The following CRAMP1 variants were observed in gnomAD, a reference collection of about 807,000 sequenced individuals.
The protein encoded by CRAMP1 is protein cramped-like.
Under a neutral mutation model 115.4 loss-of-function variants are expected in CRAMP1, and 50 were observed. That is an observed-to-expected ratio of 0.43 (90% confidence interval 0.35 to 0.55). The LOEUF (loss-of-function observed/expected upper bound fraction) is 0.55. CRAMP1 is among the 20% of genes least tolerant of loss of function. The pLI is 0.01. For missense variants in CRAMP1, 1,679 were observed against 1,721.7 expected (o/e 0.98, Z 0.44); for synonymous variants, 866 against 745.4 (o/e 1.16, Z -2.64).
intron 3 of CRAMP1, among the ~76,000 whole-genome samples, chr16:1,630,976 G>A (rs2036544557): frequency 6.6e-6 from 1 of 152,218 alleles, no homozygotes; most frequent in African/African-American, 2.4e-5. Context: ...GGCAGCGTCT[G>A]CCAGGTCTCA....
At position 1,641,327 on chromosome 16, in the gene CRAMP1, A is replaced by G. The variant is rs1596488295; in HGVS notation, c.827+140A>G. The G allele has an allele frequency of 1.2e-5, 8 of 672,926 alleles. 1 individual carries two copies. The East Asian group carries it at 2.1e-4, about 18-fold the overall frequency. The allele number at this position is 672,926 out of a possible 1,614,324, so 41.7% of individuals were successfully genotyped here. On this transcript the variant is annotated intron_variant, in intron 6 of 20. Coordinates refer to ENST00000397412, the MANE Select transcript of CRAMP1 (RefSeq NM_020825.4). ...CCTCTCAGTTACGTGTTCAGTCCCA[A>G]CAAAAGGTGCTTGGTCCAGGGAGCA... is the stretch of plus-strand genomic sequence containing the variant.
At chr16:1,652,351 C>T (rs2036731378) in intron 6 of CRAMP1, 145 bp from the exon 7 acceptor site, 1 of 635,232 alleles carries the variant, frequency 1.6e-6, no homozygotes, top group African/African-American at 1.9e-5. Flanking sequence ...CTGTGTCCTC[C>T]CACTGTCCTA....
At position 1,677,794 on chromosome 16, in the gene CRAMP1, A is replaced by G. The variant is rs572082342; in HGVS notation, c.*3749A>G. 2.6e-5 allele frequency: 4 copies of G among 152,998 alleles called. No homozygotes were observed. The South Asian group carries it at 8.3e-4, about 32-fold the overall frequency. 9.5% of individuals were successfully genotyped at this position (152,998 alleles called of 1,614,324 possible). A position where few individuals can be genotyped will look rare whatever the true frequency, so the allele number is the denominator to read the frequency against. On this transcript the variant is annotated 3_prime_UTR_variant, in exon 21 of 21. Transcript: ENST00000397412. ...TATTTATTCTTTACCAATTTTGGGA[A>G]TAAAAGGTGTTTTGGTTATTTAATA...
chr16:1,614,605 G>C lies in CRAMP1; in HGVS notation c.-1-34G>C. ...CCGCTAAACTTCCCGGCCTGCGCCC[G>C]CCTCACCGGCCGCCTCCCCTCTCCC... On this transcript the variant is annotated intron_variant, in intron 1 of 20. Transcript: ENST00000397412. The surrounding 1 kb of genome is among the most constrained non-coding windows in gnomAD (Gnocchi z 4.4). 1 of 1,202,930 alleles carries C rather than the reference G, an allele frequency of 8.3e-7. No homozygotes were observed. Among genetic ancestry groups the C allele is most frequent in the Non-Finnish European group, 1.0e-6 (1 of 960,780 alleles). The allele number at this position is 1,202,930 out of a possible 1,614,324, so 74.5% of individuals were successfully genotyped here.
chr16:1,643,652 C>G (rs763911913), intron 6 of CRAMP1, among the ~76,000 whole-genome samples: 2 of 152,196 alleles, frequency 1.3e-5, no homozygotes, highest in African/African-American at 2.4e-5. Context: ...TAGCGCCCCT[C>G]CAGCCTCATC....
intron 4 of CRAMP1, among the ~76,000 whole-genome samples, chr16:1,634,890 T>C (rs2036575167): frequency 6.6e-6 from 1 of 152,100 alleles, no homozygotes; most frequent in South Asian, 2.1e-4. Flanking sequence ...TTGGCGTGCT[T>C]TGGAGTTTTG....
chr16:1,625,359 G>C (rs1035816876), intron 2 of CRAMP1, among the ~76,000 whole-genome samples: 1 of 152,124 alleles, frequency 6.6e-6, no homozygotes, highest in African/African-American at 2.4e-5. Context: ...ATGAGATTGG[G>C]AACTGATGCT....
intron 7 of CRAMP1, 46 bp downstream of exon 7, chr16:1,652,627 G>C: frequency 6.7e-7 from 1 of 1,492,506 alleles, no homozygotes; most frequent in Non-Finnish European, 9.1e-7. Flanking sequence ...TGCCCATGGT[G>C]TCCCATTCAA....
chr16:1,660,229 C>G (rs149151763), intron 11 of CRAMP1, among the ~76,000 whole-genome samples, 166 bp downstream of exon 11: 1 of 152,210 alleles, frequency 6.6e-6, no homozygotes, highest in African/African-American at 2.4e-5. Context: ...TCACTGCCTC[C>G]TCATGGGGAG....
chr16:1,676,680 TTGA>T lies in CRAMP1; in HGVS notation c.*2637_*2639del, dbSNP rs2036971241. On this transcript the variant is annotated 3_prime_UTR_variant, in exon 21 of 21. Transcript: ENST00000397412. ...TCTGACGTTGCCTGGGATCTTTCTG[TTGA>T]TTCGTCTTTTCTGGAGATTGGGACA... 1 of 152,286 alleles carries T rather than the reference TTGA, an allele frequency of 6.6e-6. No individual in the cohort carries two copies. The highest frequency in any genetic ancestry group is 2.4e-5 in the African/African-American group (1 of 41,480). 9.4% of individuals were successfully genotyped at this position (152,286 alleles called of 1,614,324 possible).
In CRAMP1 at chr16:1,662,508, G is replaced by A; in HGVS notation, c.2432G>A (p.Arg811Lys). The A allele has an allele frequency of 6.2e-7, 1 of 1,613,870 alleles. No homozygotes were observed. Among genetic ancestry groups the A allele is most frequent in the Admixed American group, 1.7e-5 (1 of 60,028 alleles). Residue 811 changes from arginine to lysine, a missense_variant, in exon 12 of 21, where the codon AGA becomes AAA. Transcript: ENST00000397412. ...PCSSGLRNPP[R>K]PLLVPGPSST... ...CTCCCAGGTTTGAGAAACCCTCCAA[G>A]ACCCCTCTTGGTGCCTGGTCCCTCC...
Position 1,614,824 on chromosome 16 carries a change from C to A in CRAMP1, c.185C>A (p.Pro62His), listed in dbSNP as rs1007968040. The A allele has an allele frequency of 1.6e-6, 2 of 1,271,112 alleles. No homozygotes were observed. The highest frequency in any genetic ancestry group is 3.5e-5 in the South Asian group (1 of 28,962). 78.7% of individuals were successfully genotyped at this position (1,271,112 alleles called of 1,614,324 possible). A position where few individuals can be genotyped will look rare whatever the true frequency, so the allele number is the denominator to read the frequency against. The change falls in exon 2 of 21, where the codon CCC (proline) becomes CAC (histidine). Residue 62 changes from proline to histidine, a missense_variant. By Grantham distance (77) the Pro-to-His change is moderately conservative. Around this residue, in one of 8 missense-constraint regions of CRAMP1, gnomAD observed 264 missense variants for 229.7 expected, o/e 1.15. Transcript: ENST00000397412. This position sits in a 1 kb window ranked among gnomAD's most constrained non-coding sequence, Gnocchi z 4.4. ...GCCGGCGCCGACGGCCCCCCCGCGC[C>A]CCCCGGCGCGCCGCAGGCGCCGTCC... is the stretch of plus-strand genomic sequence containing the variant. ...PRAGADGPPA[P>H]PGAPQAPSPP...
rs1301150825 is a variant in CRAMP1, at chr16:1,646,538, G to T, written c.827+5351G>T. Among the ~76,000 whole-genome samples, 5 of 152,130 alleles carry T rather than the reference G, an allele frequency of 3.3e-5. No homozygotes were observed. The East Asian group carries it at 9.6e-4, about 29-fold the overall frequency. On this transcript the variant is annotated intron_variant, in intron 6 of 20. Transcript: ENST00000397412. ...CTGTTTTCTTCTTCTTGAGTTTAGA[G>T]AATTCTTTGTATATTGTAGACACAA...
chr16:1,630,434 G>A (rs374970031), intron 3 of CRAMP1, among the ~76,000 whole-genome samples: 1 of 152,160 alleles, frequency 6.6e-6, no homozygotes, highest in Non-Finnish European at 1.5e-5. Flanking sequence ...TTACAGGCAC[G>A]AGCCACCACC....
intron 2 of CRAMP1, among the ~76,000 whole-genome samples, chr16:1,615,622 C>T (rs530082189): frequency 6.6e-6 from 1 of 152,200 alleles, no homozygotes; most frequent in African/African-American, 2.4e-5. Flanking sequence ...CCCTTGTATT[C>T]TGAGGTGATG....
At chr16:1,654,823 T>C (rs2036755742) in intron 8 of CRAMP1, among the ~76,000 whole-genome samples, 1 of 152,258 alleles carries the variant, frequency 6.6e-6, no homozygotes, top group South Asian at 2.1e-4. Context: ...AGCGCATCAG[T>C]ACTTCATTCC....
chr16:1,644,907 G>C (rs1213818619), intron 6 of CRAMP1, among the ~76,000 whole-genome samples: 3 of 149,550 alleles, frequency 2.0e-5, no homozygotes, highest in Non-Finnish European at 3.0e-5. Flanking sequence ...TCGCCATGTT[G>C]CCCAGGCTGA....
At position 1,655,210 on chromosome 16, in the gene CRAMP1, T is replaced by A. The variant is rs1166217826; in HGVS notation, c.1038-9T>A. The A allele has an allele frequency of 6.2e-7, 1 of 1,612,440 alleles. No homozygotes were observed. Among genetic ancestry groups the A allele is most frequent in the East Asian group, 2.2e-5 (1 of 44,880 alleles). On this transcript the variant is annotated splice_polypyrimidine_tract_variant and intron_variant, in intron 8 of 20. Coordinates refer to ENST00000397412, the MANE Select transcript of CRAMP1 (RefSeq NM_020825.4). ...GAACCTCACTTCCTCCTGTCTGTCG[T>A]CTCCGTAGGATGATCGTGGAGCTAC...
At chr16:1,619,877 C>T (rs2036451755) in intron 2 of CRAMP1, among the ~76,000 whole-genome samples, 1 of 152,170 alleles carries the variant, frequency 6.6e-6, no homozygotes, top group African/African-American at 2.4e-5. Flanking sequence ...TCTGGCGACC[C>T]TGACCAGGGC....
Sources: gnomAD v4.1 joint callset for allele counts (sites outside exome capture counted in the v4.1 genomes callset) on GRCh38, gnomAD v4.1.1 for gene constraint, gnomAD v4.1.1 regional missense constraint, Gnocchi (gnomAD v3.1) non-coding constraint, MANE v1.5 for transcripts, NCBI Gene and HGNC (gene_info 2026-07-23, HGNC 2026-07-21) for gene names.